Variants in STEEP1 observed in about 807,000 individuals in gnomAD.
STEEP1 encodes the protein STING ER exit protein.
STEEP1 carries 3 observed loss-of-function variants against 19.2 expected under a neutral mutation model. The ratio of observed to expected loss-of-function variants is 0.16; its 90% CI spans 0.07 to 0.40. The LOEUF is 0.40. STEEP1 is among the 10% of genes least tolerant of loss of function. The pLI, the probability that STEEP1 is intolerant of heterozygous loss-of-function variation, is 0.99. For missense variants in STEEP1, 54 were observed against 177.1 expected (o/e 0.30, Z 3.94); for synonymous variants, 46 against 63.7 (o/e 0.72, Z 1.32).
intron 2 of STEEP1, among the ~76,000 whole-genome samples, chrX:119,559,723 C>A (rs1036413879): frequency 8.9e-6 from 1 of 112,078 alleles, no homozygotes; most frequent in Non-Finnish European, 1.9e-5. Context: ...TCATTCAAAC[C>A]TGTAAATTGT....
Position 119,541,429 on chromosome X carries a change from A to G in STEEP1, c.514-9T>C, listed in dbSNP as rs200714106. 50 of 1,060,987 alleles carry G rather than the reference A, an allele frequency of 4.7e-5. 1 individual carries two copies. In the African/African-American group the frequency reaches 8.6e-4, roughly 18 times the overall value. The allele number at this position is 1,060,987 out of a possible 1,213,427, so 87.4% of individuals were successfully genotyped here. A position where few individuals can be genotyped will look rare whatever the true frequency, so the allele number is the denominator to read the frequency against. ...GAGTCAGCAACTTCCCTCTGAAGGA[A>G]AAAAGGAGCATCCTTAAACCGGAAG... On this transcript the variant is annotated splice_polypyrimidine_tract_variant and intron_variant, in intron 5 of 6. Coordinates refer to ENST00000644802, the MANE Select transcript of STEEP1 (RefSeq NM_022101.4).
intron 2 of STEEP1, among the ~76,000 whole-genome samples, chrX:119,554,387 G>C (rs1370824884): frequency 1.8e-5 from 2 of 111,766 alleles, no homozygotes; most frequent in African/African-American, 6.5e-5. Context: ...GGAGGTTGCA[G>C]TGAGCCAAGA....
At chrX:119,557,175 AAAAG>A (rs1302982824) in intron 2 of STEEP1, among the ~76,000 whole-genome samples, 1 of 106,015 alleles carries the variant, frequency 9.4e-6, no homozygotes, top group African/African-American at 3.4e-5. Context: ...AAAAAAAAAG[AAAAG>A]AAAGAAAGAA....
Position 119,539,642 on chromosome X carries a change from A to G in STEEP1, c.*85T>C. On this transcript the variant is annotated 3_prime_UTR_variant, in exon 7 of 7. Transcript: ENST00000644802. ...TAAAGCCTTCTGCTAGGGCATAAAT[A>G]GGAATCCGTCTATGTAATCAAGAAA... is the stretch of plus-strand genomic sequence containing the variant. 1.4e-6 allele frequency: 1 copy of G among 717,138 alleles called. No homozygotes were observed. Among genetic ancestry groups the G allele is most frequent in the Non-Finnish European group, 2.1e-6 (1 of 465,577 alleles). 59.1% of individuals were successfully genotyped at this position (717,138 alleles called of 1,213,427 possible).
chrX:119,558,326 A>C (rs916376187), intron 2 of STEEP1, among the ~76,000 whole-genome samples: 25 of 110,867 alleles, frequency 2.3e-4, no homozygotes, highest in Non-Finnish European at 2.8e-4. Flanking sequence ...CGAGGTCAGG[A>C]GATCGAGGCC....
At chrX:119,548,038 G>A (rs1294018525) in intron 2 of STEEP1, among the ~76,000 whole-genome samples, 1 of 110,563 alleles carries the variant, frequency 9.0e-6, no homozygotes. Context: ...TGGGTGTTGT[G>A]ACACATGCCT....
chrX:119,563,227 G>A (rs894288676), intron 1 of STEEP1, among the ~76,000 whole-genome samples: 1 of 111,832 alleles, frequency 8.9e-6, no homozygotes, highest in Non-Finnish European at 1.9e-5. Context: ...GGTGAAAGAT[G>A]GTAGTAGCTT....
At chrX:119,560,084 T>C (rs1399913361) in intron 2 of STEEP1, among the ~76,000 whole-genome samples, 184 bp downstream of exon 2, 1 of 111,136 alleles carries the variant, frequency 9.0e-6, no homozygotes, top group Non-Finnish European at 1.9e-5. Flanking sequence ...GAATCACATG[T>C]GAGCACCATT....
chrX:119,545,893 CAAAAAAAAA>C (rs71927150), intron 2 of STEEP1, among the ~76,000 whole-genome samples: 1 of 55,442 alleles, frequency 1.8e-5, no homozygotes, highest in Non-Finnish European at 3.3e-5. Flanking sequence ...AACTCCGTCT[CAAAAAAAAA>C]AAAAAAAAAA....
intron 1 of STEEP1, among the ~76,000 whole-genome samples, chrX:119,564,503 A>AGG (rs111539730): frequency 0.11 from 8,786 of 77,240 alleles, 544 homozygotes; most frequent in Non-Finnish European, 0.15. Context: ...CTGAAAAAAA[A>AGG]GGGGGGGGGG....
At position 119,539,747 on chromosome X, in the gene STEEP1, T is replaced by C; in HGVS notation, c.649A>G (p.Ile217Val). 2.5e-6 allele frequency: 3 copies of C among 1,209,482 alleles called. No individual in the cohort carries two copies. Among genetic ancestry groups the C allele is most frequent in the Non-Finnish European group, 3.4e-6 (3 of 894,058 alleles). ...AKKAKMKGTL[I>V]DNQFK The stretch of plus-strand genomic sequence containing the variant: ...CCTGGTTATTTGAACTGGTTGTCAA[T>C]CAAGGTCCCCTTCATTTTCGCTTTC... Residue 217 changes from isoleucine to valine, a missense_variant, in exon 7 of 7, where the codon ATT becomes GTT. Physicochemically the swap from Ile to Val is conservative, Grantham distance 29. Around this residue, in one of 2 missense-constraint regions of STEEP1, gnomAD observed 7 missense variants for 58.6 expected, o/e 0.12. Transcript: ENST00000644802.
At chrX:119,561,749 T>C (rs1240932862) in intron 1 of STEEP1, among the ~76,000 whole-genome samples, 3 of 110,574 alleles carry the variant, frequency 2.7e-5, no homozygotes, top group East Asian at 2.8e-4. Flanking sequence ...GAAAGTCAAG[T>C]GGTCAGAGTA....
At chrX:119,542,989 G>A (rs529402065) in intron 4 of STEEP1, among the ~76,000 whole-genome samples, 1 of 54,696 alleles carries the variant, frequency 1.8e-5, no homozygotes, top group South Asian at 1.5e-3. Flanking sequence ...TGTAGAGACT[G>A]GGTCTCGCAA....
intron 6 of STEEP1, 44 bp downstream of exon 6, chrX:119,541,284 C>T: frequency 1.3e-6 from 1 of 750,610 alleles, no homozygotes; most frequent in Non-Finnish European, 2.1e-6. Flanking sequence ...ACCAAGACAT[C>T]CAAATGATAG....
Position 119,565,293 on chromosome X carries a change from G to A in STEEP1, c.63C>T (p.Asp21=). The change falls in exon 1 of 7, where the codon GAC becomes GAT. Residue 21 remains aspartate (D), a synonymous_variant. Transcript: ENST00000644802. ...CSDTRDREEY[D]DGEKPLHVYY... ...AAACATGGAGGGGCTTCTCGCCGTCGTCATATTCCTCCCGGTCCCGAGTGT... is the reference window on the plus strand; with the variant it reads ...AAACATGGAGGGGCTTCTCGCCGTCATCATATTCCTCCCGGTCCCGAGTGT... 5.0e-6 allele frequency: 6 copies of A among 1,209,817 alleles called. No homozygotes were observed. Among genetic ancestry groups the A allele is most frequent in the Non-Finnish European group, 6.7e-6 (6 of 894,331 alleles).
Position 119,559,544 on chromosome X carries a change from T to G in STEEP1, c.242+724A>C, listed in dbSNP as rs185526771. On this transcript the variant is annotated intron_variant, in intron 2 of 6. Coordinates refer to ENST00000644802, the MANE Select transcript of STEEP1 (RefSeq NM_022101.4). ...CAAATGACCCACTCCCACCTGTTTTTCCTTTCGTTCAGAAGACCAGTATTT... is the reference window on the plus strand; with the variant it reads ...CAAATGACCCACTCCCACCTGTTTTGCCTTTCGTTCAGAAGACCAGTATTT... 2.4e-4 allele frequency among the ~76,000 whole-genome samples: 27 copies of G among 111,289 alleles called. No homozygotes were observed. The Admixed American group carries it at 2.5e-3, about 10-fold the overall frequency.
chrX:119,549,683 G>A (rs986006864), intron 2 of STEEP1, among the ~76,000 whole-genome samples: 2 of 112,178 alleles, frequency 1.8e-5, no homozygotes, highest in Admixed American at 9.6e-5. Flanking sequence ...AAGGGCCTTC[G>A]TGCTGCATCA....
At chrX:119,560,851 C>T (rs1202154948) in intron 1 of STEEP1, among the ~76,000 whole-genome samples, 1 of 110,666 alleles carries the variant, frequency 9.0e-6, no homozygotes, top group East Asian at 2.8e-4. Flanking sequence ...AGAGGCTGGG[C>T]GTGGTGGCAT....
At chrX:119,560,183 C>A in intron 2 of STEEP1, 85 bp downstream of exon 2, 1 of 675,395 alleles carries the variant, frequency 1.5e-6, no homozygotes, top group South Asian at 2.4e-5. Context: ...CTGACCTGTT[C>A]AACAATAGAT....
Sources: allele counts gnomAD v4.1 joint callset (sites outside exome capture counted in the v4.1 genomes callset), GRCh38; gene constraint gnomAD v4.1.1; regional missense constraint gnomAD v4.1.1; transcripts MANE v1.5; gene names NCBI Gene and HGNC (gene_info 2026-07-23, HGNC 2026-07-21).